Variants in RETSAT observed in about 807,000 individuals in gnomAD.
RETSAT encodes retinol saturase, also known as all-trans-retinol 13,14-reductase.
Under a neutral mutation model 61.6 loss-of-function variants are expected in RETSAT, and 35 were observed. That is an observed-to-expected ratio of 0.57 (90% CI 0.43 to 0.75). RETSAT has a LOEUF of 0.75. Ranked by LOEUF, RETSAT falls within the 30% of genes least tolerant of loss-of-function variation. The probability of loss-of-function intolerance (pLI) is 0.00; values close to 1 mark genes in which losing one functional copy is unlikely to be tolerated. For missense variants in RETSAT, 670 were observed against 759.5 expected (o/e 0.88, Z 1.38); for synonymous variants, 277 against 310.4 (o/e 0.89, Z 1.13).
chr2:85,344,046 C>T lies in RETSAT; in HGVS notation c.1486G>A (p.Ala496Thr). 4 of 1,614,168 alleles carry T rather than the reference C, an allele frequency of 2.5e-6. No individual in the cohort carries two copies. Among genetic ancestry groups the T allele is most frequent in the Non-Finnish European group, 2.5e-6 (3 of 1,180,024 alleles). The change falls in exon 9 of 11, where the codon GCC becomes ACC. Residue 496 changes from alanine (A) to threonine (T), a missense_variant. Coordinates refer to ENST00000295802, the MANE Select transcript of RETSAT (RefSeq NM_017750.4). ...YETFKNSFVE[A>T]SMSVVLKLFP... is the part of the protein sequence containing the mutation. ...AGTTTCAGGACCACTGACATAGAGG[C>T]TTCCACAAAGGAGTTTTTGAAGGTC...
chr2:85,342,635 C>G lies in RETSAT; in HGVS notation c.*607G>C, dbSNP rs1683107823. On this transcript the variant is annotated 3_prime_UTR_variant, in exon 11 of 11. Coordinates refer to ENST00000295802, the MANE Select transcript of RETSAT (RefSeq NM_017750.4). ...CTAACTGATGGATCCTGCTGTTACC[C>G]CAAAGCTCCAGAACCACACTGGCCA... 6.6e-6 allele frequency: 1 copy of G among 152,490 alleles called. No homozygotes were observed. The highest frequency in any genetic ancestry group is 6.5e-5 in the Admixed American group (1 of 15,322). 9.4% of individuals were successfully genotyped at this position (152,490 alleles called of 1,614,324 possible). A position where few individuals can be genotyped will look rare whatever the true frequency, so the allele number is the denominator to read the frequency against.
In RETSAT at chr2:85,344,259, G is replaced by T; in HGVS notation, c.1346C>A (p.Thr449Asn). ...CCCACCTGGGAATCGGTCCTCCCAG[G>T]TCGGATCTTTGGCTGATGGGAAAGC... ...FFAFPSAKDP[T>N]WEDRFPGRST... Residue 449 changes from threonine to asparagine, a missense_variant, in exon 8 of 11, where the codon ACC becomes AAC. By Grantham distance (65) the Thr-to-Asn change is moderately conservative. Coordinates refer to ENST00000295802, the MANE Select transcript of RETSAT (RefSeq NM_017750.4). 1 of 1,614,132 alleles carries T rather than the reference G, an allele frequency of 6.2e-7. No individual in the cohort carries two copies. Among genetic ancestry groups the T allele is most frequent in the South Asian group, 1.1e-5 (1 of 91,084 alleles).
chr2:85,345,983 C>T lies in RETSAT; in HGVS notation c.1109G>A (p.Cys370Tyr). The T allele has an allele frequency of 6.2e-7, 1 of 1,614,190 alleles. No homozygotes were observed. Residue 370 changes from cysteine to tyrosine, a missense_variant, in exon 6 of 11, where the codon TGC becomes TAC. Cys to Tyr is a radical substitution (Grantham distance 194). Transcript: ENST00000295802. ...YEHLLPGNAR[C>Y]LPGVKQQLGT... ...GCAGACCCGCCTTTTACCTGGCAGG[C>T]AGCGGGCGTTCCCCGGCAGTAGGTG...
chr2:85,343,999 C>T lies in RETSAT; in HGVS notation c.1533G>A (p.Lys511=). The change falls in exon 9 of 11, where the codon AAG becomes AAA. Residue 511 remains lysine, a splice_region_variant and synonymous_variant. Coordinates refer to ENST00000295802, the MANE Select transcript of RETSAT (RefSeq NM_017750.4). The part of the protein sequence containing the change: ...VLKLFPQLEG[K]VESVTAGSPL... ...CCACCCCAAATACTTTACCCCCTAC[C>T]TTCCCCTCCAGCTGTGGGAACAGTT... 1 of 1,614,062 alleles carries T rather than the reference C, an allele frequency of 6.2e-7. No individual in the cohort carries two copies. Among genetic ancestry groups the T allele is most frequent in the Non-Finnish European group, 8.5e-7 (1 of 1,179,958 alleles).
chr2:85,346,062 T>C lies in RETSAT; in HGVS notation c.1030A>G (p.Asn344Asp). 6.2e-7 allele frequency: 1 copy of C among 1,613,848 alleles called. No homozygotes were observed. Among genetic ancestry groups the C allele is most frequent in the African/African-American group, 1.3e-5 (1 of 75,038 alleles). ...VSVKKGHELVNIYCPIVVSNA... is the reference protein window; with the variant it reads ...VSVKKGHELVDIYCPIVVSNA... ...GAGACCACGATGGGGCAATAGATGT[T>C]CACCAGCTCATGCCCCTTCTTCACA... is the stretch of plus-strand genomic sequence containing the variant. Residue 344 changes from asparagine (N) to aspartate (D), a missense_variant, in exon 6 of 11, where the codon AAC becomes GAC. Physicochemically the swap from Asn to Asp is conservative, Grantham distance 23. Coordinates refer to ENST00000295802, the MANE Select transcript of RETSAT (RefSeq NM_017750.4).
In RETSAT at chr2:85,343,289, G is replaced by C; in HGVS notation, c.1786C>G (p.Leu596Val). The change falls in exon 11 of 11, where the codon CTT becomes GTT. Residue 596 changes from leucine to valine, a missense_variant. Leu to Val is a conservative substitution (Grantham distance 32). Transcript: ENST00000295802. Reference protein sequence around the residue: ...AILKRNLYSDLKNLDSRIRAQ... With the variant: ...AILKRNLYSDVKNLDSRIRAQ... ...CGGATCCTAGAATCAAGATTCTTAA[G>C]GTCTGAGTACAAGTTCCGCTTCAGG... is the stretch of plus-strand genomic sequence containing the variant. 1 of 1,614,300 alleles carries C rather than the reference G, an allele frequency of 6.2e-7. No individual in the cohort carries two copies. The highest frequency in any genetic ancestry group is 1.1e-5 in the South Asian group (1 of 91,092).
chr2:85,344,942 A>G (rs1375354922), intron 6 of RETSAT, among the ~76,000 whole-genome samples: 1 of 152,106 alleles, frequency 6.6e-6, no homozygotes, highest in Non-Finnish European at 1.5e-5. Context: ...AATTGTAACC[A>G]GACAGTGAGA....
In RETSAT at chr2:85,344,707, C is replaced by T. The variant is rs770566762; in HGVS notation, c.1143G>A (p.Val381=). The stretch of plus-strand genomic sequence containing the variant: ...CAGAGGTCATGCCTAAGCCGGGCCG[C>T]ACCGTCCCCAGTTGCTGCTTCACAC... ...LPGVKQQLGT[V]RPGLGMTSVF... Residue 381 remains valine (V), a synonymous_variant, in exon 7 of 11, where the codon GTG becomes GTA. Transcript: ENST00000295802. 1 of 1,614,042 alleles carries T rather than the reference C, an allele frequency of 6.2e-7. No individual in the cohort carries two copies. Among genetic ancestry groups the T allele is most frequent in the African/African-American group, 1.3e-5 (1 of 74,932 alleles).
At chr2:85,345,665 C>G (rs1418986081) in intron 6 of RETSAT, 1 of 438,490 alleles carries the variant, frequency 2.3e-6, no homozygotes, top group Non-Finnish European at 4.3e-6. Flanking sequence ...GGCCTCTTCT[C>G]TGGAAGCCCC....
rs755144692 is a variant in RETSAT at position 85,349,365 on chromosome 2, G to A, written c.997+19C>T. ...CCAACCCAGGGACCCAGAAGGGCAG[G>A]GCGGGGCAGGGCTCTCACCACAGGC... is the stretch of plus-strand genomic sequence containing the variant. On this transcript the variant is annotated intron_variant, in intron 5 of 10. Coordinates refer to ENST00000295802, the MANE Select transcript of RETSAT (RefSeq NM_017750.4). 6.2e-7 allele frequency: 1 copy of A among 1,613,514 alleles called. No homozygotes were observed. The highest frequency in any genetic ancestry group is 8.5e-7 in the Non-Finnish European group (1 of 1,179,656).
Position 85,351,820 on chromosome 2 carries a change from A to T in RETSAT, c.215T>A (p.Val72Glu). ...NQVPEKLDVV[V>E]IGSGFGGLAA... is the part of the protein sequence containing the mutation. Reference sequence around the variant, plus strand: ...CAGGCCCCCAAAGCCACTGCCAATTACCACCACATCCAGCTTCTCCGGCAC... The same window carrying T: ...CAGGCCCCCAAAGCCACTGCCAATTTCCACCACATCCAGCTTCTCCGGCAC... Residue 72 changes from valine (V) to glutamate (E), a missense_variant, in exon 2 of 11, where the codon GTA (valine) becomes GAA (glutamate). Coordinates refer to ENST00000295802, the MANE Select transcript of RETSAT (RefSeq NM_017750.4). 1 of 1,614,174 alleles carries T rather than the reference A, an allele frequency of 6.2e-7. No homozygotes were observed. Among genetic ancestry groups the T allele is most frequent in the Non-Finnish European group, 8.5e-7 (1 of 1,180,036 alleles).
intron 5 of RETSAT, among the ~76,000 whole-genome samples, chr2:85,346,574 A>C (rs556658487): frequency 5.3e-5 from 8 of 152,204 alleles, no homozygotes; most frequent in Non-Finnish European, 2.9e-5. Context: ...CCTGGGCAAC[A>C]TAGTGAGACC....
At chr2:85,352,588 C>T (rs1683317777) in intron 1 of RETSAT, among the ~76,000 whole-genome samples, 1 of 152,018 alleles carries the variant, frequency 6.6e-6, no homozygotes, top group Non-Finnish European at 1.5e-5. Context: ...TGCTATGTTG[C>T]CCAGGCTGAT....
At chr2:85,348,368 C>T (rs764424410) in intron 5 of RETSAT, among the ~76,000 whole-genome samples, 12 of 152,092 alleles carry the variant, frequency 7.9e-5, no homozygotes, top group African/African-American at 2.2e-4. Context: ...CCGTGCCTGA[C>T]GCCTGTAATC....
At chr2:85,353,827 T>A (rs1333533877) in intron 1 of RETSAT, among the ~76,000 whole-genome samples, 1 of 152,232 alleles carries the variant, frequency 6.6e-6, no homozygotes, top group African/African-American at 2.4e-5. Flanking sequence ...GCTCTGAGCC[T>A]GAGGCGCCTT....
In RETSAT at chr2:85,351,721, C is replaced by T. The variant is rs376799079; in HGVS notation, c.314G>A (p.Cys105Tyr). The change falls in exon 2 of 11, where the codon TGC becomes TAC. Residue 105 changes from cysteine to tyrosine, a missense_variant. Cys to Tyr is a radical substitution (Grantham distance 194). Coordinates refer to ENST00000295802, the MANE Select transcript of RETSAT (RefSeq NM_017750.4). ...VLEQHTKAGG[C>Y]CHTFGKNGLE... ...GCCATTCTTTCCAAAGGTATGACAGCAGCCCCCTGCCTTGGTATGTTGTTC... is the reference window on the plus strand; with the variant it reads ...GCCATTCTTTCCAAAGGTATGACAGTAGCCCCCTGCCTTGGTATGTTGTTC... 224 of 1,614,024 alleles carry T rather than the reference C, an allele frequency of 1.4e-4. No homozygotes were observed. The highest frequency in any genetic ancestry group is 1.9e-4 in the Non-Finnish European group (219 of 1,180,020).
Position 85,350,920 on chromosome 2 carries a change from A to T in RETSAT, c.457T>A (p.Phe153Ile). The T allele has an allele frequency of 6.2e-7, 1 of 1,614,166 alleles. No individual in the cohort carries two copies. The highest frequency in any genetic ancestry group is 8.5e-7 in the Non-Finnish European group (1 of 1,180,020). ...GGCCCTTCCAGTACCATGATGTCAA[A>T]AGGAGAGGACAGGGGAGCCCAGTCC... is the stretch of plus-strand genomic sequence containing the variant. ...QLDWAPLSSP[F>I]DIMVLEGPNG... Residue 153 changes from phenylalanine to isoleucine, a missense_variant, in exon 3 of 11, where the codon TTT becomes ATT. Physicochemically the swap from Phe to Ile is conservative, Grantham distance 21. Transcript: ENST00000295802.
At position 85,346,055 on chromosome 2, in the gene RETSAT, T is replaced by C. The variant is rs769002387; in HGVS notation, c.1037A>G (p.Tyr346Cys). The C allele has an allele frequency of 2.0e-5, 32 of 1,614,024 alleles. No homozygotes were observed. Among genetic ancestry groups the C allele is most frequent in the East Asian group, 4.5e-5 (2 of 44,862 alleles). ...VKKGHELVNI[Y>C]CPIVVSNAGL... Reference sequence around the variant, plus strand: ...TGCGTTGGAGACCACGATGGGGCAATAGATGTTCACCAGCTCATGCCCCTT... The same window carrying C: ...TGCGTTGGAGACCACGATGGGGCAACAGATGTTCACCAGCTCATGCCCCTT... Residue 346 changes from tyrosine to cysteine, a missense_variant, in exon 6 of 11, where the codon TAT (tyrosine) becomes TGT (cysteine). Coordinates refer to ENST00000295802, the MANE Select transcript of RETSAT (RefSeq NM_017750.4).
chr2:85,345,833 G>A (rs765854005), intron 6 of RETSAT, 142 bp downstream of exon 6: 2 of 971,714 alleles, frequency 2.1e-6, no homozygotes, highest in Non-Finnish European at 3.3e-6. Context: ...GATGTTAGAG[G>A]TAGCGTTCTC....
Sources: gnomAD v4.1 joint callset for allele counts (sites outside exome capture counted in the v4.1 genomes callset) on GRCh38, gnomAD v4.1.1 for gene constraint, MANE v1.5 for transcripts, NCBI Gene and HGNC (gene_info 2026-07-23, HGNC 2026-07-21) for gene names.